Variants in GPR158 observed in about 807,000 individuals in gnomAD.
The protein encoded by GPR158 is metabotropic glycine receptor.
A neutral mutation model predicts 78.2 loss-of-function variants in GPR158; 30 were observed. The observed-to-expected ratio is 0.38, with a 90% CI of 0.29 to 0.52. The LOEUF is 0.52. Ranked by LOEUF, GPR158 falls within the 20% of genes least tolerant of loss-of-function variation. The pLI, the probability that GPR158 is intolerant of heterozygous loss-of-function variation, is 0.83. For synonymous variants in GPR158, 581 were observed against 591.1 expected (o/e 0.98, Z 0.25); for missense variants, 1,463 against 1,523.5 (o/e 0.96, Z 0.66).
chr10:25,471,074 T>C (rs1366395506), intron 5 of GPR158, among the ~76,000 whole-genome samples: 2 of 152,060 alleles, frequency 1.3e-5, no homozygotes, highest in African/African-American at 4.8e-5. Context: ...TTGTCATTTA[T>C]ATTAGGTATA....
chr10:25,378,648 A>G (rs116544676), intron 2 of GPR158, among the ~76,000 whole-genome samples: 5,791 of 151,862 alleles, frequency 0.038, 384 homozygotes, highest in African/African-American at 0.13. Context: ...ATATTTTTTA[A>G]TACTTTTAGT....
At chr10:25,310,583 TTTA>T (rs1483218487) in intron 2 of GPR158, among the ~76,000 whole-genome samples, 3 of 152,126 alleles carry the variant, frequency 2.0e-5, no homozygotes, top group Admixed American at 2.0e-4. Flanking sequence ...TGTTGTGGTT[TTTA>T]TTATATCACT....
intron 1 of GPR158, among the ~76,000 whole-genome samples, chr10:25,204,142 G>A (rs1209045234): frequency 1.3e-5 from 2 of 152,172 alleles, no homozygotes; most frequent in East Asian, 3.9e-4. Context: ...ATCAGTTTAA[G>A]GAGATTTTGG....
chr10:25,190,577 C>T (rs187811733), intron 1 of GPR158, among the ~76,000 whole-genome samples: 5 of 152,224 alleles, frequency 3.3e-5, no homozygotes, highest in South Asian at 2.1e-4. Context: ...GCAATCCACC[C>T]GCATCAGCCT....
chr10:25,403,978 A>G (rs990683877), intron 3 of GPR158, among the ~76,000 whole-genome samples: 1 of 152,096 alleles, frequency 6.6e-6, no homozygotes, highest in African/African-American at 2.4e-5. Context: ...ATCTCAAAGA[A>G]TGTAAACTTT....
At chr10:25,340,003 GT>G (rs1293610299) in intron 2 of GPR158, among the ~76,000 whole-genome samples, 2 of 152,004 alleles carry the variant, frequency 1.3e-5, no homozygotes, top group African/African-American at 4.8e-5. Context: ...TTAGATATTA[GT>G]CTCTCAAGTT....
intron 2 of GPR158, among the ~76,000 whole-genome samples, chr10:25,257,552 T>C (rs1853906797): frequency 6.6e-6 from 1 of 152,342 alleles, no homozygotes; most frequent in South Asian, 2.1e-4. Flanking sequence ...AGAAGCAATC[T>C]GCTCTATTTT....
chr10:25,435,149 T>G (rs1165242088), intron 4 of GPR158, among the ~76,000 whole-genome samples: 1 of 152,212 alleles, frequency 6.6e-6, no homozygotes, highest in Admixed American at 6.5e-5. Context: ...GAGGGTGCAC[T>G]AAGTTCTCAG....
intron 4 of GPR158, among the ~76,000 whole-genome samples, chr10:25,453,873 A>T (rs572967340): frequency 1.3e-5 from 2 of 152,266 alleles, no homozygotes; most frequent in African/African-American, 4.8e-5. Flanking sequence ...TGATGCCTCC[A>T]ACTTTGTTCT....
intron 4 of GPR158, among the ~76,000 whole-genome samples, chr10:25,420,914 A>T (rs943086265): frequency 6.6e-6 from 1 of 152,112 alleles, no homozygotes; most frequent in Admixed American, 6.5e-5. Context: ...CTCCAACTTT[A>T]TTCTTTTTAA....
chr10:25,290,851 A>G (rs1302672684), intron 2 of GPR158, among the ~76,000 whole-genome samples: 1 of 152,120 alleles, frequency 6.6e-6, no homozygotes, highest in Non-Finnish European at 1.5e-5. Flanking sequence ...AGCTTAACCA[A>G]ATCAAATGTA....
intron 4 of GPR158, among the ~76,000 whole-genome samples, chr10:25,433,580 C>T (rs1488111666): frequency 0.01 from 1,383 of 133,596 alleles, 22 homozygotes; most frequent in African/African-American, 0.033. Flanking sequence ...TGCGCGCGCG[C>T]GTGCGCGTGC....
intron 2 of GPR158, among the ~76,000 whole-genome samples, chr10:25,351,432 G>C (rs67989843): frequency 7.5e-6 from 1 of 132,648 alleles, no homozygotes; most frequent in Admixed American, 7.6e-5. Flanking sequence ...AGTTGGGGGT[G>C]GGGGGGTGCT....
intron 2 of GPR158, among the ~76,000 whole-genome samples, chr10:25,269,912 A>G (rs1394566296): frequency 6.6e-6 from 1 of 152,118 alleles, no homozygotes; most frequent in South Asian, 2.1e-4. Context: ...GAAGCTGTCA[A>G]TTATCTTATT....
chr10:25,372,569 G>A (rs1022498007), intron 2 of GPR158, among the ~76,000 whole-genome samples: 20 of 147,618 alleles, frequency 1.4e-4, no homozygotes, highest in Admixed American at 5.4e-4. Flanking sequence ...GGACATGGAC[G>A]AAATTGGAAA....
intron 5 of GPR158, among the ~76,000 whole-genome samples, chr10:25,467,689 C>T (rs899911508): frequency 3.3e-5 from 5 of 152,064 alleles, no homozygotes; most frequent in African/African-American, 1.2e-4. Context: ...TCAAAGTACA[C>T]GTCAAGAGAA....
chr10:25,595,054 C>A (rs1837383182), intron 9 of GPR158, among the ~76,000 whole-genome samples: 1 of 151,992 alleles, frequency 6.6e-6, no homozygotes, highest in Admixed American at 6.6e-5. Flanking sequence ...AGGTATTATA[C>A]AAATTATATC....
chr10:25,368,757 C>G, intron 2 of GPR158, among the ~76,000 whole-genome samples: 1 of 123,204 alleles, frequency 8.1e-6, no homozygotes, highest in South Asian at 3.0e-4. Flanking sequence ...TGTAAATTAC[C>G]TTGGGCAGTA....
At chr10:25,243,444 G>C (rs1853651419) in intron 2 of GPR158, among the ~76,000 whole-genome samples, 1 of 152,104 alleles carries the variant, frequency 6.6e-6, no homozygotes, top group South Asian at 2.1e-4. Context: ...TTTTTGGAAG[G>C]CCTTTCCCAC....
Sources: allele counts gnomAD v4.1 joint callset (sites outside exome capture counted in the v4.1 genomes callset), GRCh38; gene constraint gnomAD v4.1.1; transcripts MANE v1.5; gene names NCBI Gene and HGNC (gene_info 2026-07-23, HGNC 2026-07-21).